The following CACNA1C variants were observed in gnomAD, a reference collection of about 807,000 sequenced individuals.
CACNA1C encodes the protein voltage-dependent L-type calcium channel subunit alpha-1C.
A neutral mutation model predicts 229.0 loss-of-function variants in CACNA1C; 30 were observed. The ratio of observed to expected loss-of-function variants is 0.13; its 90% confidence interval spans 0.10 to 0.18. The LOEUF is 0.18. Ranked by LOEUF, CACNA1C falls within the 10% of genes least tolerant of loss-of-function variation. CACNA1C has a pLI of 1.00. For synonymous variants in CACNA1C, 1,114 were observed against 1,132.5 expected, an observed-to-expected ratio of 0.98 and a Z score of 0.33; for missense variants, 1,658 against 2,845.0, an observed-to-expected ratio of 0.58 and a Z score of 9.49.
At chr12:2,052,142 T>C (rs1362555322), upstream of CACNA1C, among the ~76,000 whole-genome samples, 1 of 152,198 alleles carries the variant, frequency 6.6e-6, no homozygotes, top group African/African-American at 2.4e-5. Flanking sequence ...AGGTGCTGGA[T>C]AGATTCCTGC....
intron 8 of CACNA1C, among the ~76,000 whole-genome samples, chr12:2,510,610 A>C (rs571457773): frequency 1.3e-5 from 2 of 152,284 alleles, no homozygotes; most frequent in South Asian, 4.1e-4. Flanking sequence ...AATTGTCCCT[A>C]TTCCAGTTGA....
At chr12:2,001,611 C>T (rs1203911516) in intron 1 of CACNA1C, among the ~76,000 whole-genome samples, 1 of 152,312 alleles carries the variant, frequency 6.6e-6, no homozygotes, top group South Asian at 2.1e-4. Context: ...TCCCAAATCT[C>T]TCTTCATCAT....
chr12:2,332,606 T>C (rs541546376), intron 3 of CACNA1C, among the ~76,000 whole-genome samples: 2 of 152,368 alleles, frequency 1.3e-5, no homozygotes, highest in East Asian at 3.9e-4. Flanking sequence ...AAGTATCTTA[T>C]GACAGTGTGA....
At chr12:2,606,770 C>A (rs990457762) in intron 25 of CACNA1C, 107 bp downstream of exon 25, 2 of 1,024,282 alleles carry the variant, frequency 2.0e-6, no homozygotes, top group African/African-American at 1.6e-5. Flanking sequence ...TGCAGTGGCA[C>A]CTGCGCTCTG....
At chr12:1,997,076 G>A (rs1436895323) in intron 1 of CACNA1C, among the ~76,000 whole-genome samples, 3 of 151,684 alleles carry the variant, frequency 2.0e-5, no homozygotes, top group African/African-American at 7.3e-5. Flanking sequence ...GTCTCTATAT[G>A]CACTCGTAAT....
chr12:2,523,362 G>A (rs1203776129), intron 9 of CACNA1C, among the ~76,000 whole-genome samples: 2 of 152,186 alleles, frequency 1.3e-5, no homozygotes, highest in East Asian at 1.9e-4. Flanking sequence ...TGACCTATCC[G>A]ATTTCCTTCA....
intron 3 of CACNA1C, among the ~76,000 whole-genome samples, chr12:2,213,090 G>A (rs915892452): frequency 3.3e-5 from 5 of 152,122 alleles, no homozygotes; most frequent in Non-Finnish European, 7.4e-5. Context: ...AGATGCCTCT[G>A]GGGCTGGGGC....
rs35721133 is a variant in CACNA1C, at chr12:2,016,436, C to CT, written c.139+45245dup. Among the ~76,000 whole-genome samples the CT allele has an allele frequency of 3.4e-4, 51 of 148,770 alleles. No individual in the cohort carries two copies. The South Asian group carries it at 4.7e-3, about 14-fold the overall frequency. On this transcript the variant is annotated intron_variant, in intron 1 of 46. Transcript: ENST00000682462. ...GTTTGTTTAAAACATTTTTCTTTTT[C>CT]TTTTTTTTTTGAGACGAAGTTTTAC...
intron 3 of CACNA1C, among the ~76,000 whole-genome samples, chr12:2,202,832 C>T (rs1434887936): frequency 1.3e-5 from 2 of 152,178 alleles, no homozygotes; most frequent in Non-Finnish European, 2.9e-5. Flanking sequence ...ATAAAGGACC[C>T]TGGGCCTTGA....
At chr12:2,450,714 G>A (rs1409719076) in intron 4 of CACNA1C, among the ~76,000 whole-genome samples, 3 of 152,228 alleles carry the variant, frequency 2.0e-5, no homozygotes, top group African/African-American at 7.2e-5. Context: ...TGCTCAAGTG[G>A]CTGCCACCTT....
At position 2,003,628 on chromosome 12, in the gene CACNA1C, C is replaced by A. The variant is rs139995190; in HGVS notation, c.139+32427C>A. On this transcript the variant is annotated intron_variant, in intron 1 of 46. Coordinates refer to the CACNA1C transcript ENST00000682462. The stretch of plus-strand genomic sequence containing the variant: ...TACTGGGACTCTGCTTTGAGAAGAG[C>A]ACTAAAATAATTTGGCTCCCAAATG... Among the ~76,000 whole-genome samples the A allele has an allele frequency of 7.7e-4, 118 of 152,284 alleles. 1 individual carries two copies. The highest frequency in any genetic ancestry group is 2.7e-3 in the African/African-American group (111 of 41,566).
At chr12:2,253,873 T>C (rs2076458939) in intron 3 of CACNA1C, among the ~76,000 whole-genome samples, 1 of 152,234 alleles carries the variant, frequency 6.6e-6, no homozygotes, top group Non-Finnish European at 1.5e-5. Context: ...GAAAACCTTC[T>C]GTCTCACATG....
intron 30 of CACNA1C, among the ~76,000 whole-genome samples, chr12:2,640,779 ACT>A (rs2093594309): frequency 6.6e-6 from 1 of 151,908 alleles, no homozygotes; most frequent in African/African-American, 2.4e-5. Context: ...GTCACTCACT[ACT>A]CTCCACAACA....
chr12:2,558,815 G>A (rs951803235), intron 11 of CACNA1C, among the ~76,000 whole-genome samples: 1 of 152,152 alleles, frequency 6.6e-6, no homozygotes, highest in Non-Finnish European at 1.5e-5. Flanking sequence ...GTTTCACTAG[G>A]ACTGGAAAAT....
chr12:2,492,237 C>T (rs981782764), intron 6 of CACNA1C, among the ~76,000 whole-genome samples: 6 of 152,192 alleles, frequency 3.9e-5, no homozygotes, highest in Admixed American at 6.5e-5. Context: ...TCTCCACACT[C>T]AAAATATAAG....
intron 5 of CACNA1C, among the ~76,000 whole-genome samples, chr12:2,478,095 G>A (rs2099640084): frequency 6.6e-6 from 1 of 152,104 alleles, no homozygotes; most frequent in Admixed American, 6.5e-5. Context: ...AAGGGCAGAA[G>A]ACTAACAGAA....
At chr12:2,035,569 C>T (rs150988143) in intron 1 of CACNA1C, among the ~76,000 whole-genome samples, 2 of 152,220 alleles carry the variant, frequency 1.3e-5, no homozygotes, top group Non-Finnish European at 2.9e-5. Context: ...TCAACAGAGC[C>T]CTGTGGGCCT....
intron 3 of CACNA1C, among the ~76,000 whole-genome samples, chr12:2,282,955 A>G (rs1028109840): frequency 1.3e-5 from 2 of 151,830 alleles, no homozygotes; most frequent in East Asian, 3.9e-4. Flanking sequence ...ATGGGGCTCC[A>G]GGCATCACAC....
intron 3 of CACNA1C, among the ~76,000 whole-genome samples, chr12:2,318,820 G>A (rs2095823267): frequency 6.6e-6 from 1 of 151,852 alleles, no homozygotes; most frequent in African/African-American, 2.4e-5. Flanking sequence ...GGGACAGGGA[G>A]TGCGGGGCTA....
Sources: allele counts gnomAD v4.1 joint callset (sites outside exome capture counted in the v4.1 genomes callset), GRCh38; gene constraint gnomAD v4.1.1; transcripts MANE v1.5; gene names NCBI Gene and HGNC (gene_info 2026-07-23, HGNC 2026-07-21).